ACBD6: variants seen among roughly 807,000 people sequenced by gnomAD.
ACBD6 encodes acyl-CoA-binding domain-containing protein 6.
Under a neutral mutation model 37.2 loss-of-function variants are expected in ACBD6, and 28 were observed. The observed-to-expected ratio is 0.75, with a 90% CI of 0.56 to 1.03. The LOEUF (loss-of-function observed/expected upper bound fraction) is 1.03, where lower values mean the gene tolerates loss of function less well. Ranked by LOEUF, ACBD6 falls within the 50% of genes least tolerant of loss-of-function variation. The pLI is 0.00. For missense variants in ACBD6, 340 were observed against 337.4 expected, an observed-to-expected ratio of 1.01 and a Z score of -0.06; for synonymous variants, 113 against 126.8, an observed-to-expected ratio of 0.89 and a Z score of 0.73.
At chr1:180,290,438 A>G (rs1250111414) in intron 7 of ACBD6, among the ~76,000 whole-genome samples, 1 of 152,154 alleles carries the variant, frequency 6.6e-6, no homozygotes. Context: ...TGGCCTCCCA[A>G]AGTGCTGGGA....
chr1:180,332,475 T>C (rs1558253317), intron 6 of ACBD6, among the ~76,000 whole-genome samples: 1 of 152,170 alleles, frequency 6.6e-6, no homozygotes, highest in Non-Finnish European at 1.5e-5. Context: ...ATCTGAGCTC[T>C]GCCTCTTGTC....
At chr1:180,307,210 T>C (rs997826287) in intron 7 of ACBD6, among the ~76,000 whole-genome samples, 12 of 152,286 alleles carry the variant, frequency 7.9e-5, no homozygotes, top group African/African-American at 2.6e-4. Context: ...TGCAACAACA[T>C]AGATGGACTG....
At chr1:180,427,653 C>A (rs577028352) in intron 4 of ACBD6, among the ~76,000 whole-genome samples, 2 of 152,060 alleles carry the variant, frequency 1.3e-5, no homozygotes, top group Non-Finnish European at 2.9e-5. Flanking sequence ...CCAGGCACAG[C>A]GGCTCACGCC....
chr1:180,339,770 C>G (rs1037185726), intron 6 of ACBD6, among the ~76,000 whole-genome samples: 4 of 151,654 alleles, frequency 2.6e-5, no homozygotes, highest in African/African-American at 9.7e-5. Context: ...AAATCTCGCC[C>G]TAATTGGGAG....
At chr1:180,460,259 C>G (rs760801954) in intron 3 of ACBD6, among the ~76,000 whole-genome samples, 1 of 152,050 alleles carries the variant, frequency 6.6e-6, no homozygotes, top group Non-Finnish European at 1.5e-5. Flanking sequence ...CTCTGCCTGA[C>G]AGAAGTTTGA....
At chr1:180,390,881 CA>C in intron 6 of ACBD6, among the ~76,000 whole-genome samples, 1 of 151,998 alleles carries the variant, frequency 6.6e-6, no homozygotes, top group Non-Finnish European at 1.5e-5. Context: ...ATAGCCAAAA[CA>C]ACTTTGAAAA....
chr1:180,314,435 G>A (rs1404895794), intron 7 of ACBD6, among the ~76,000 whole-genome samples: 3 of 152,142 alleles, frequency 2.0e-5, no homozygotes, highest in African/African-American at 7.2e-5. Flanking sequence ...AGTAGAGACA[G>A]GGTTTCAGCA....
At position 180,326,066 on chromosome 1, in the gene ACBD6, T is replaced by C. The variant is rs547656350; in HGVS notation, c.664-11344A>G. Among the ~76,000 whole-genome samples, 6 of 152,244 alleles carry C rather than the reference T, an allele frequency of 3.9e-5. No homozygotes were observed. The South Asian group carries it at 1.2e-3, about 32-fold the overall frequency. On this transcript the variant is annotated intron_variant, in intron 6 of 7. Coordinates refer to ENST00000367595, the MANE Select transcript of ACBD6 (RefSeq NM_032360.4). ...ACTCAAGGCCCTAGGGCTCTACAAT[T>C]AGCAGGTGGGGAAGCCAGCCAGGTT...
chr1:180,406,607 T>C (rs556925035), intron 5 of ACBD6, among the ~76,000 whole-genome samples: 7 of 152,242 alleles, frequency 4.6e-5, no homozygotes, highest in Middle Eastern at 3.4e-3. Context: ...TATAGATTCA[T>C]AGCTATCAGT....
intron 6 of ACBD6, among the ~76,000 whole-genome samples, chr1:180,376,733 G>A (rs1653451011): frequency 6.6e-6 from 1 of 152,158 alleles, no homozygotes; most frequent in African/African-American, 2.4e-5. Flanking sequence ...AAAAGACAGA[G>A]ATGGCACTCA....
chr1:180,500,035 G>A (rs1185138309), intron 1 of ACBD6, among the ~76,000 whole-genome samples: 1 of 151,558 alleles, frequency 6.6e-6, no homozygotes, highest in African/African-American at 2.4e-5. Flanking sequence ...ATCGCTTGAA[G>A]CCAGAAGCTT....
chr1:180,309,375 T>C (rs1489614355), intron 7 of ACBD6, among the ~76,000 whole-genome samples: 1 of 152,186 alleles, frequency 6.6e-6, no homozygotes, highest in Admixed American at 6.5e-5. Flanking sequence ...CATTCCTACA[T>C]CCATAAAGGC....
At chr1:180,412,317 G>T (rs1036417866) in intron 5 of ACBD6, among the ~76,000 whole-genome samples, 1 of 151,990 alleles carries the variant, frequency 6.6e-6, no homozygotes, top group Non-Finnish European at 1.5e-5. Context: ...TAATATTAAG[G>T]GCTAACCTTT....
chr1:180,343,403 T>C (rs1212329580), intron 6 of ACBD6, among the ~76,000 whole-genome samples: 1 of 152,164 alleles, frequency 6.6e-6, no homozygotes, highest in Non-Finnish European at 1.5e-5. Flanking sequence ...GAAGTACCCA[T>C]AATCCTCCTA....
intron 6 of ACBD6, among the ~76,000 whole-genome samples, chr1:180,351,512 A>C (rs55698496): frequency 0.052 from 7,833 of 149,954 alleles, 663 homozygotes; most frequent in African/African-American, 0.17. Flanking sequence ...TGACCTTGTG[A>C]TCCACCCACC....
At chr1:180,435,479 C>T in intron 3 of ACBD6, 1 of 524,374 alleles carries the variant, frequency 1.9e-6, no homozygotes, top group Non-Finnish European at 3.4e-6. Flanking sequence ...TCTCAATCTC[C>T]TGACCTCGTG....
rs75605818 is a variant in ACBD6 at position 180,423,178 on chromosome 1, C to A, written c.467+7002G>T. ...TATTTTAGGCTACATAGTTCATCTG[C>A]AAGTGTTTTCAAATTGCTGCAAATT... On this transcript the variant is annotated intron_variant, in intron 4 of 7. Transcript: ENST00000367595. Among the ~76,000 whole-genome samples, 1,135 of 152,234 alleles carry A rather than the reference C, an allele frequency of 7.5e-3. 64 individuals are homozygous for A. Among genetic ancestry groups the A allele is most frequent in the Admixed American group, 0.047 (715 of 15,290 alleles).
intron 3 of ACBD6, among the ~76,000 whole-genome samples, chr1:180,468,608 T>C (rs528123572): frequency 1.1e-3 from 170 of 151,910 alleles, no homozygotes; most frequent in Non-Finnish European, 1.8e-3. Context: ...TTTATTGGCA[T>C]TTGTTATTTC....
chr1:180,374,145 C>T (rs941950978), intron 6 of ACBD6, among the ~76,000 whole-genome samples: 1 of 152,098 alleles, frequency 6.6e-6, no homozygotes, highest in Non-Finnish European at 1.5e-5. Flanking sequence ...GTTTTCTCAT[C>T]AAATAATTTT....
Sources: gnomAD v4.1 joint callset for allele counts (sites outside exome capture counted in the v4.1 genomes callset) on GRCh38, gnomAD v4.1.1 for gene constraint, MANE v1.5 for transcripts, NCBI Gene and HGNC (gene_info 2026-07-23, HGNC 2026-07-21) for gene names.